LRRTM4: variants seen among roughly 807,000 people sequenced by gnomAD.
The protein encoded by LRRTM4 is leucine-rich repeat transmembrane neuronal protein 4.
In LRRTM4, 25 loss-of-function variants were observed where a neutral mutation model predicts 47.6. The observed-to-expected ratio is 0.53, with a 90% CI of 0.38 to 0.73. The LOEUF is 0.73. LRRTM4 is among the 30% of genes least tolerant of loss of function. The probability of loss-of-function intolerance (pLI) is 0.00; values close to 1 mark genes in which losing one functional copy is unlikely to be tolerated. For synonymous variants in LRRTM4, 311 were observed against 269.5 expected, an observed-to-expected ratio of 1.15 and a Z score of -1.51; for missense variants, 638 against 713.4, an observed-to-expected ratio of 0.89 and a Z score of 1.20.
intron 3 of LRRTM4, among the ~76,000 whole-genome samples, chr2:76,985,607 T>G (rs913817237): frequency 6.6e-6 from 1 of 151,994 alleles, no homozygotes; most frequent in African/African-American, 2.4e-5. Flanking sequence ...AATTCTGTTA[T>G]GTCAAATGTC....
At chr2:77,086,381 G>C (rs1680713312) in intron 3 of LRRTM4, among the ~76,000 whole-genome samples, 1 of 145,874 alleles carries the variant, frequency 6.9e-6, no homozygotes, top group South Asian at 2.2e-4. Context: ...CTTAAATTTT[G>C]CATATTTTTT....
At chr2:77,128,684 G>A (rs1055688604) in intron 3 of LRRTM4, among the ~76,000 whole-genome samples, 1 of 152,168 alleles carries the variant, frequency 6.6e-6, no homozygotes, top group Non-Finnish European at 1.5e-5. Flanking sequence ...CCAGGCTGGA[G>A]GCTGGAGTGC....
chr2:76,799,753 G>C (rs1206807645), intron 3 of LRRTM4, among the ~76,000 whole-genome samples: 1 of 134,452 alleles, frequency 7.4e-6, no homozygotes, highest in Non-Finnish European at 1.6e-5. Flanking sequence ...CTTCAGCAAA[G>C]TCTCAGGATA....
At chr2:77,034,237 ATAAGG>A (rs1465181655) in intron 3 of LRRTM4, among the ~76,000 whole-genome samples, 2 of 151,994 alleles carry the variant, frequency 1.3e-5, no homozygotes, top group African/African-American at 4.8e-5. Context: ...GTGAAATATT[ATAAGG>A]TAAACATCCT....
At chr2:77,007,820 T>C (rs1004156084) in intron 3 of LRRTM4, among the ~76,000 whole-genome samples, 3 of 152,140 alleles carry the variant, frequency 2.0e-5, no homozygotes, top group Non-Finnish European at 4.4e-5. Flanking sequence ...ATTACTCTCC[T>C]GGAATCAGCT....
intron 3 of LRRTM4, among the ~76,000 whole-genome samples, chr2:77,109,231 A>C (rs933280141): frequency 1.3e-5 from 2 of 152,222 alleles, no homozygotes; most frequent in African/African-American, 4.8e-5. Flanking sequence ...AAATTCAGGA[A>C]TAATGTCTTA....
chr2:77,325,068 T>G (rs1670707252), intron 3 of LRRTM4, among the ~76,000 whole-genome samples: 3 of 152,182 alleles, frequency 2.0e-5, no homozygotes, highest in Admixed American at 2.0e-4. Context: ...TTTGCTTGGC[T>G]CACAATTTCT....
intron 3 of LRRTM4, among the ~76,000 whole-genome samples, chr2:76,885,518 A>G (rs1032798630): frequency 2.1e-5 from 3 of 144,940 alleles, no homozygotes; most frequent in African/African-American, 7.8e-5. Flanking sequence ...GCTGGAGTGC[A>G]GTGGCGCGAT....
chr2:77,021,341 G>T (rs1331089999), intron 3 of LRRTM4, among the ~76,000 whole-genome samples: 1 of 152,138 alleles, frequency 6.6e-6, no homozygotes, highest in Admixed American at 6.5e-5. Flanking sequence ...ACATGCATCA[G>T]TGGAGTCACA....
rs1357122469 is a variant in LRRTM4 at position 76,873,464 on chromosome 2, G to A, written c.1552-124548C>T. Among the ~76,000 whole-genome samples, 281 of 136,866 alleles carry A rather than the reference G, an allele frequency of 2.1e-3. 6 individuals carry two copies. Among genetic ancestry groups the A allele is most frequent in the African/African-American group, 7.7e-3 (272 of 35,514 alleles). 89.8% of individuals were successfully genotyped at this position (136,866 alleles called of 152,430 possible). A position where few individuals can be genotyped will look rare whatever the true frequency, so the allele number is the denominator to read the frequency against. Reference sequence around the variant, plus strand: ...GTCTGTGTGTATATATATATAACGTGTGTGTGTGTATATATATATGTGTGT... The same window carrying A: ...GTCTGTGTGTATATATATATAACGTATGTGTGTGTATATATATATGTGTGT... On this transcript the variant is annotated intron_variant, in intron 3 of 3. Transcript: ENST00000409884.
At chr2:76,794,921 A>AAATTTAAACAATAGTGTGTAG (rs1675187706) in intron 3 of LRRTM4, among the ~76,000 whole-genome samples, 1 of 152,212 alleles carries the variant, frequency 6.6e-6, no homozygotes, top group Non-Finnish European at 1.5e-5. Context: ...TTTAAATGCT[A>AAATTTAAACAATAGTGTGTAG]AATTTAAACA....
intron 3 of LRRTM4, among the ~76,000 whole-genome samples, chr2:76,783,903 C>T (rs951141802): frequency 6.6e-5 from 10 of 152,070 alleles, no homozygotes; most frequent in African/African-American, 2.4e-4. Flanking sequence ...GTATAAAATA[C>T]TCATAATAAA....
At chr2:77,342,714 G>A (rs1225957768) in intron 3 of LRRTM4, among the ~76,000 whole-genome samples, 1 of 151,914 alleles carries the variant, frequency 6.6e-6, no homozygotes, top group Non-Finnish European at 1.5e-5. Flanking sequence ...GCTAGATGGT[G>A]TAGGTTGTTT....
intron 3 of LRRTM4, among the ~76,000 whole-genome samples, chr2:77,050,733 T>C (rs1240144344): frequency 6.6e-6 from 1 of 152,160 alleles, no homozygotes; most frequent in African/African-American, 2.4e-5. Flanking sequence ...TTGGCATTAC[T>C]TAACCTCTCC....
chr2:76,863,771 T>G (rs975805525), intron 3 of LRRTM4, among the ~76,000 whole-genome samples: 1 of 152,246 alleles, frequency 6.6e-6, no homozygotes, highest in East Asian at 1.9e-4. Flanking sequence ...GTTTTTTACA[T>G]GTTTATTACC....
chr2:77,378,207 T>C (rs1558715451), intron 3 of LRRTM4, among the ~76,000 whole-genome samples: 1 of 152,070 alleles, frequency 6.6e-6, no homozygotes, highest in Non-Finnish European at 1.5e-5. Context: ...TGTATTTTAC[T>C]TTCTAAATTA....
At chr2:77,401,251 C>T (rs895771268) in intron 3 of LRRTM4, among the ~76,000 whole-genome samples, 9 of 152,000 alleles carry the variant, frequency 5.9e-5, no homozygotes, top group South Asian at 4.2e-4. Flanking sequence ...AGCAATTGCA[C>T]CTTGTTAAAA....
intron 3 of LRRTM4, among the ~76,000 whole-genome samples, chr2:77,169,162 A>G (rs1406405715): frequency 6.6e-6 from 1 of 152,142 alleles, no homozygotes; most frequent in Non-Finnish European, 1.5e-5. Context: ...TAAGAACTGG[A>G]AAAAACAAGG....
intron 3 of LRRTM4, among the ~76,000 whole-genome samples, chr2:76,893,670 A>G (rs1385889659): frequency 6.6e-6 from 1 of 151,844 alleles, no homozygotes; most frequent in South Asian, 2.1e-4. Context: ...ACTCATCCTA[A>G]GAAGATGAGA....
Sources: allele counts gnomAD v4.1 joint callset (sites outside exome capture counted in the v4.1 genomes callset), GRCh38; gene constraint gnomAD v4.1.1; transcripts MANE v1.5; gene names NCBI Gene and HGNC (gene_info 2026-07-23, HGNC 2026-07-21).